FXYD6: variants seen among roughly 807,000 people sequenced by gnomAD.
FXYD6 encodes FXYD domain-containing ion transport regulator 6.
Under a neutral mutation model 16.7 loss-of-function variants are expected in FXYD6, and 7 were observed. The observed-to-expected ratio is 0.42, with a 90% CI of 0.24 to 0.79. The LOEUF (loss-of-function observed/expected upper bound fraction) is 0.79. FXYD6 is among the 30% of genes least tolerant of loss of function. The pLI is 0.28. For synonymous variants in FXYD6, 49 were observed against 43.0 expected (o/e 1.14, Z -0.54); for missense variants, 111 against 116.2 (o/e 0.95, Z 0.21).
At chr11:117,860,656 T>A (rs1239943665) in intron 1 of FXYD6, among the ~76,000 whole-genome samples, 1 of 152,216 alleles carries the variant, frequency 6.6e-6, no homozygotes, top group Non-Finnish European at 1.5e-5. Flanking sequence ...GCAGAATCAG[T>A]GCAGAATCTG....
Position 117,842,763 on chromosome 11 carries a change from A to G in FXYD6, c.14T>C (p.Leu5Pro), listed in dbSNP as rs1362014767. The G allele has an allele frequency of 6.4e-7, 1 of 1,568,144 alleles. No individual in the cohort carries two copies. Among genetic ancestry groups the G allele is most frequent in the Admixed American group, 1.9e-5 (1 of 53,326 alleles). ...GGCCAGCAGGCTGCAGAGGAAGACC[A>G]GCACCAACTCCATGGCGTCTGGGGA... MELV[L>P]VFLCSLLAPM... is the part of the protein sequence containing the mutation. Residue 5 changes from leucine to proline, a missense_variant, in exon 2 of 8, where the codon CTG becomes CCG. Leu to Pro is a moderately conservative substitution (Grantham distance 98). Coordinates refer to ENST00000526014, the MANE Select transcript of FXYD6 (RefSeq NM_022003.4).
chr11:117,842,247 G>A, intron 2 of FXYD6: 1 of 622,568 alleles, frequency 1.6e-6, no homozygotes, highest in East Asian at 2.7e-5. Flanking sequence ...GAAACTCAGT[G>A]AGGCTCTGAG....
intron 1 of FXYD6, 134 bp from the exon 2 acceptor site, chr11:117,842,915 A>T: frequency 1.1e-6 from 1 of 883,312 alleles, no homozygotes. Context: ...GAGGGTTCAA[A>T]CAACCTAAGC....
At chr11:117,865,243 G>A (rs2056990196) in intron 1 of FXYD6, among the ~76,000 whole-genome samples, 1 of 152,150 alleles carries the variant, frequency 6.6e-6, no homozygotes, top group South Asian at 2.1e-4. Flanking sequence ...TGGAGAAATT[G>A]GAACCACTGT....
At chr11:117,874,442 A>G (rs76700055) in intron 1 of FXYD6, among the ~76,000 whole-genome samples, 6,097 of 151,900 alleles carry the variant, frequency 0.04, 384 homozygotes, top group African/African-American at 0.14. Flanking sequence ...GCCAGGGGGG[A>G]AGCAGGAAAA....
chr11:117,862,884 A>G (rs528298862), intron 1 of FXYD6, among the ~76,000 whole-genome samples: 2 of 152,286 alleles, frequency 1.3e-5, no homozygotes, highest in East Asian at 3.9e-4. Context: ...CAAAAGAGAA[A>G]GGGGAGCTGC....
At chr11:117,841,742 G>A in intron 4 of FXYD6, 49 bp downstream of exon 4, 1 of 1,607,956 alleles carries the variant, frequency 6.2e-7, no homozygotes, top group Non-Finnish European at 8.5e-7. Context: ...CACCTGCTTA[G>A]CAGCCTCAGT....
intron 1 of FXYD6, among the ~76,000 whole-genome samples, chr11:117,867,651 T>C (rs1367562765): frequency 9.2e-5 from 14 of 152,186 alleles, no homozygotes. Context: ...AGTGTACCTC[T>C]CTTCTACCCC....
chr11:117,841,142 C>G lies in FXYD6; in HGVS notation c.209+6G>C, dbSNP rs770460575. ...CCCCCCAAGGCCACTGCCACGGCATCCTTACCGGGGCTTCTGATTGAAACT... is the reference window on the plus strand; with the variant it reads ...CCCCCCAAGGCCACTGCCACGGCATGCTTACCGGGGCTTCTGATTGAAACT... On this transcript the variant is annotated splice_donor_region_variant and intron_variant, in intron 5 of 7. Transcript: ENST00000526014. The G allele has an allele frequency of 6.2e-7, 1 of 1,614,074 alleles. No individual in the cohort carries two copies. The highest frequency in any genetic ancestry group is 1.3e-5 in the African/African-American group (1 of 74,990).
At chr11:117,871,557 T>C (rs1323883884) in intron 1 of FXYD6, among the ~76,000 whole-genome samples, 1 of 152,222 alleles carries the variant, frequency 6.6e-6, no homozygotes, top group East Asian at 1.9e-4. Context: ...GTATGTTTAT[T>C]GGGAATTTTA....
intron 1 of FXYD6, among the ~76,000 whole-genome samples, chr11:117,875,058 C>G (rs1052917453): frequency 6.6e-6 from 1 of 152,116 alleles, no homozygotes; most frequent in Non-Finnish European, 1.5e-5. Context: ...AAACTGCCCT[C>G]TCTCTCCCCT....
chr11:117,876,065 T>C (rs1226207023), intron 1 of FXYD6, among the ~76,000 whole-genome samples: 2 of 152,004 alleles, frequency 1.3e-5, no homozygotes, highest in African/African-American at 4.8e-5. Flanking sequence ...GAATCCTTCT[T>C]TCCCTGCGCC....
rs528143481 is a variant in FXYD6 at position 117,870,101 on chromosome 11, C to T, written c.-6+6491G>A. Among the ~76,000 whole-genome samples, 1 of 152,376 alleles carries T rather than the reference C, an allele frequency of 6.6e-6. No homozygotes were observed. The highest frequency in any genetic ancestry group is 2.4e-5 in the African/African-American group (1 of 41,590). On this transcript the variant is annotated intron_variant, in intron 1 of 7. Transcript: ENST00000526014. This position sits in a 1 kb window ranked among gnomAD's most constrained non-coding sequence, Gnocchi z 4.2. Reference sequence around the variant, plus strand: ...CATCCCAGCCATCACCCATGGACTTCTCACAACAGCCCTCAGAAGCAGAAA... The same window carrying T: ...CATCCCAGCCATCACCCATGGACTTTTCACAACAGCCCTCAGAAGCAGAAA...
chr11:117,858,177 C>A (rs933811221), intron 1 of FXYD6: 1 of 152,322 alleles, frequency 6.6e-6, no homozygotes, highest in African/African-American at 2.4e-5. Context: ...ATCCTGGTGC[C>A]CTTGGCATCC....
At chr11:117,841,483 T>C in intron 4 of FXYD6, 1 of 588,230 alleles carries the variant, frequency 1.7e-6, no homozygotes, top group Non-Finnish European at 3.0e-6. Flanking sequence ...CCTCGCACAC[T>C]AGGGCAGCAC....
At position 117,845,000 on chromosome 11, in the gene FXYD6, A is replaced by G. The variant is rs374878238; in HGVS notation, c.-5-2219T>C. Among the ~76,000 whole-genome samples, 8 of 152,356 alleles carry G rather than the reference A, an allele frequency of 5.3e-5. No individual in the cohort carries two copies. In the East Asian group the frequency reaches 1.5e-3, roughly 29 times the overall value. On this transcript the variant is annotated intron_variant, in intron 1 of 7. Coordinates refer to ENST00000526014, the MANE Select transcript of FXYD6 (RefSeq NM_022003.4). ...GTGTTCTTTCCACAATTTAAAATAT[A>G]CAATTCACACATCAGGAAGTTTGCC...
intron 1 of FXYD6, among the ~76,000 whole-genome samples, chr11:117,869,556 A>G (rs921569713): frequency 1.3e-5 from 2 of 152,148 alleles, no homozygotes; most frequent in African/African-American, 4.8e-5. Flanking sequence ...GGAGCGGGAG[A>G]GGCAAAACTC....
intron 1 of FXYD6, among the ~76,000 whole-genome samples, chr11:117,875,662 C>T (rs746463452): frequency 2.0e-5 from 3 of 152,166 alleles, no homozygotes; most frequent in Non-Finnish European, 1.5e-5. Flanking sequence ...CCAGACAGCA[C>T]GAAGCCACAG....
Position 117,841,846 on chromosome 11 carries a change from A to G in FXYD6, c.117T>C (p.Ile39=), listed in dbSNP as rs1332150641. 6.2e-7 allele frequency: 1 copy of G among 1,613,878 alleles called. No individual in the cohort carries two copies. The highest frequency in any genetic ancestry group is 1.3e-5 in the African/African-American group (1 of 74,944). Residue 39 remains isoleucine, a synonymous_variant, in exon 4 of 8, where the codon ATT becomes ATC. Transcript: ENST00000526014. Reference sequence around the variant, plus strand: ...GGACCACAGCGAACACCAGTCCCCCAATCCTCAGGGTCTGGTAATCTGCCA... The same window carrying G: ...GGACCACAGCGAACACCAGTCCCCCGATCCTCAGGGTCTGGTAATCTGCCA... The part of the protein sequence containing the change: ...PFHYDYQTLR[I]GGLVFAVVLF...
Sources: gnomAD v4.1 joint callset for allele counts (sites outside exome capture counted in the v4.1 genomes callset) on GRCh38, gnomAD v4.1.1 for gene constraint, Gnocchi (gnomAD v3.1) non-coding constraint, MANE v1.5 for transcripts, NCBI Gene and HGNC (gene_info 2026-07-23, HGNC 2026-07-21) for gene names.